The following MYOM1 variants were observed in gnomAD, a reference collection of about 807,000 sequenced individuals.
MYOM1 encodes myomesin-1.
In MYOM1, 164 loss-of-function variants were observed where a neutral mutation model predicts 205.3. The observed-to-expected ratio is 0.80, with a 90% CI of 0.70 to 0.91. The LOEUF is 0.91. Among genes scored for constraint, MYOM1 ranks in the 40% least tolerant of loss-of-function variants. The probability of loss-of-function intolerance (pLI) is 0.00; values close to 1 mark genes in which losing one functional copy is unlikely to be tolerated. For synonymous variants in MYOM1, 772 were observed against 789.4 expected (o/e 0.98, Z 0.37); for missense variants, 2,011 against 2,127.3 (o/e 0.95, Z 1.08).
chr18:3,234,726 A>T, the MYOM1 span, among the ~76,000 whole-genome samples: 1 of 152,094 alleles, frequency 6.6e-6, no homozygotes, highest in Non-Finnish European at 1.5e-5. Flanking sequence ...TGTTCCATTG[A>T]AGACACTCCC....
At chr18:3,144,385 C>T (rs922090881) in intron 13 of MYOM1, among the ~76,000 whole-genome samples, 3 of 151,620 alleles carry the variant, frequency 2.0e-5, no homozygotes, top group African/African-American at 7.3e-5. Flanking sequence ...AAAAAATACT[C>T]AATCCAAAAA....
In MYOM1 at chr18:3,155,016, T is replaced by C. The variant is rs753083434; in HGVS notation, c.1574A>G (p.Tyr525Cys). Residue 525 changes from tyrosine to cysteine, a missense_variant, in exon 11 of 38, where the codon TAT becomes TGT. Tyr to Cys is a radical substitution (Grantham distance 194, BLOSUM62 -2). Coordinates refer to ENST00000356443, the MANE Select transcript of MYOM1 (RefSeq NM_003803.4). ...TGGCTGTTTCCAGGAGATGATGATATAATCTTTGTTGGCCTCCAAGCACTT... is the reference window on the plus strand; with the variant it reads ...TGGCTGTTTCCAGGAGATGATGATACAATCTTTGTTGGCCTCCAAGCACTT... ...DVKCLEANKD[Y>C]IIISWKQPAV... 2 of 1,613,506 alleles carry C rather than the reference T, an allele frequency of 1.2e-6. No homozygotes were observed. Among genetic ancestry groups the C allele is most frequent in the African/African-American group, 1.3e-5 (1 of 75,048 alleles).
chr18:3,197,973 T>C (rs886507145), intron 2 of MYOM1, among the ~76,000 whole-genome samples: 6 of 152,212 alleles, frequency 3.9e-5, no homozygotes, highest in Non-Finnish European at 5.9e-5. Flanking sequence ...TAAAACCATG[T>C]CATACTGCCC....
chr18:3,120,003 A>G lies in MYOM1; in HGVS notation c.2992-8T>C. 1.3e-6 allele frequency: 2 copies of G among 1,585,256 alleles called. No individual in the cohort carries two copies. Among genetic ancestry groups the G allele is most frequent in the Non-Finnish European group, 1.7e-6 (2 of 1,165,392 alleles). On this transcript the variant is annotated splice_polypyrimidine_tract_variant and splice_region_variant and intron_variant, in intron 19 of 37. Transcript: ENST00000356443. Reference sequence around the variant, plus strand: ...TTCCTTCAAGTTGCTAATCTGCAACATTGACAACATCACAGATACTGAATG... The same window carrying G: ...TTCCTTCAAGTTGCTAATCTGCAACGTTGACAACATCACAGATACTGAATG...
At chr18:3,076,570 G>C (rs1452008385) in intron 34 of MYOM1, among the ~76,000 whole-genome samples, 4 of 152,162 alleles carry the variant, frequency 2.6e-5, no homozygotes, top group African/African-American at 9.7e-5. Context: ...GAGGGTGCTG[G>C]TGCTTGCCTG....
At chr18:3,220,750 G>A (rs1048318883), upstream of MYOM1, among the ~76,000 whole-genome samples, 10 of 150,954 alleles carry the variant, frequency 6.6e-5, no homozygotes, top group Admixed American at 4.6e-4. Flanking sequence ...TCCTTCCTAA[G>A]CTTCAGGTTT....
At chr18:3,218,023 A>G (rs1270947371) in intron 1 of MYOM1, among the ~76,000 whole-genome samples, 2 of 152,164 alleles carry the variant, frequency 1.3e-5, no homozygotes, top group Non-Finnish European at 2.9e-5. Context: ...CTCCCTACTT[A>G]AAGAGGTAAG....
chr18:3,203,156 G>C (rs1008234168), intron 2 of MYOM1, among the ~76,000 whole-genome samples: 3 of 151,184 alleles, frequency 2.0e-5, no homozygotes, highest in African/African-American at 7.3e-5. Flanking sequence ...AGTACTTAGA[G>C]GGACATATAT....
chr18:3,101,379 A>G (rs2079373380), intron 23 of MYOM1, among the ~76,000 whole-genome samples: 1 of 152,230 alleles, frequency 6.6e-6, no homozygotes, highest in African/African-American at 2.4e-5. Flanking sequence ...AAAGCAAAGT[A>G]AAAAGAATAC....
In MYOM1 at chr18:3,141,986, G is replaced by C. The variant is rs201104206; in HGVS notation, c.1978C>G (p.Pro660Ala). 9.9e-4 allele frequency: 1,594 copies of C among 1,613,648 alleles called. 1 individual carries two copies. The highest frequency in any genetic ancestry group is 1.1e-3 in the Non-Finnish European group (1,298 of 1,179,794). ...TRSYVVLSWK[P>A]PGQRGHEGIM... ...CCCTCATGACCACGCTGGCCAGGGG[G>C]CTTCCAGCTGAGCACCACATAGCTC... Residue 660 changes from proline (P) to alanine (A), a missense_variant, in exon 14 of 38, where the codon CCC (proline) becomes GCC (alanine). Coordinates refer to ENST00000356443, the MANE Select transcript of MYOM1 (RefSeq NM_003803.4).
intron 37 of MYOM1, among the ~76,000 whole-genome samples, chr18:3,069,361 A>C (rs2078935217): frequency 6.6e-6 from 1 of 152,176 alleles, no homozygotes; most frequent in Non-Finnish European, 1.5e-5. Context: ...TCTCTTACTA[A>C]AATCCAGATG....
rs79909755 is a variant in MYOM1 at position 3,078,669 on chromosome 18, C to G, written c.4648+510G>C. ...CAGACTGGTCTTAAATTCCTGGCCT[C>G]AAGTGATCCTCCCACCTTGGCCTCC... is the stretch of plus-strand genomic sequence containing the variant. On this transcript the variant is annotated intron_variant, in intron 34 of 37. Coordinates refer to ENST00000356443, the MANE Select transcript of MYOM1 (RefSeq NM_003803.4). Among the ~76,000 whole-genome samples the G allele has an allele frequency of 1.0e-2, 1,519 of 152,260 alleles. 26 individuals are homozygous for G. The highest frequency in any genetic ancestry group is 0.034 in the African/African-American group (1,397 of 41,550).
At chr18:3,087,256 A>G (rs2079164804) in intron 29 of MYOM1, among the ~76,000 whole-genome samples, 1 of 151,432 alleles carries the variant, frequency 6.6e-6, no homozygotes, top group African/African-American at 2.4e-5. Flanking sequence ...TGGATCCCAG[A>G]AGCTCTGTTT....
chr18:3,224,174 G>A (rs1031942867), upstream of MYOM1, among the ~76,000 whole-genome samples: 1 of 151,974 alleles, frequency 6.6e-6, no homozygotes, highest in Non-Finnish European at 1.5e-5. Context: ...GACTACAGGC[G>A]CCCGCCTTGT....
At chr18:3,154,006 A>G (rs1000809922) in intron 11 of MYOM1, among the ~76,000 whole-genome samples, 29 of 152,222 alleles carry the variant, frequency 1.9e-4, no homozygotes, top group Admixed American at 2.6e-4. Flanking sequence ...AATATAGACA[A>G]GAACTTATAG....
At chr18:3,215,415 G>A (rs2081252466) in intron 1 of MYOM1, among the ~76,000 whole-genome samples, 164 bp from the exon 2 acceptor site, 1 of 151,996 alleles carries the variant, frequency 6.6e-6, no homozygotes, top group Non-Finnish European at 1.5e-5. Flanking sequence ...AAATCAACCT[G>A]GCCAACACAG....
chr18:3,221,601 G>A (rs976391920), upstream of MYOM1, among the ~76,000 whole-genome samples: 10 of 152,326 alleles, frequency 6.6e-5, no homozygotes, highest in Non-Finnish European at 1.2e-4. Context: ...TCCAAAGCCC[G>A]TGTACTTGTA....
rs2080234881 is a variant in MYOM1, at chr18:3,152,400, T to C, written c.1644-507A>G. On this transcript the variant is annotated intron_variant, in intron 11 of 37. Transcript: ENST00000356443. This position sits in a 1 kb window ranked among gnomAD's most constrained non-coding sequence, Gnocchi z 4.3. ...ATTTCCTCACTTCATGGTCATTCCA[T>C]CCTGTGTAGAGGGTAAGAAGGTTAT... is the stretch of plus-strand genomic sequence containing the variant. Among the ~76,000 whole-genome samples the C allele has an allele frequency of 6.6e-6, 1 of 152,232 alleles. No individual in the cohort carries two copies. Among genetic ancestry groups the C allele is most frequent in the South Asian group, 2.1e-4 (1 of 4,836 alleles).
intron 11 of MYOM1, 21 bp from the exon 12 acceptor site, chr18:3,151,914 G>T: frequency 6.2e-7 from 1 of 1,601,178 alleles, no homozygotes; most frequent in Non-Finnish European, 8.5e-7. Flanking sequence ...GAGCGTGATT[G>T]ACAAAAATAT....
Sources: allele counts gnomAD v4.1 joint callset (sites outside exome capture counted in the v4.1 genomes callset), GRCh38; gene constraint gnomAD v4.1.1; non-coding constraint Gnocchi (gnomAD v3.1); transcripts MANE v1.5; gene names NCBI Gene and HGNC (gene_info 2026-07-23, HGNC 2026-07-21).